The following FOXP1 variants were observed in gnomAD, a reference collection of about 807,000 sequenced individuals.
The protein encoded by FOXP1 is forkhead box P1.
FOXP1 carries 15 observed loss-of-function variants against 98.2 expected under a neutral mutation model. That is an observed-to-expected ratio of 0.15 (90% CI 0.10 to 0.24). FOXP1 has a LOEUF of 0.24. FOXP1 is among the 10% of genes least tolerant of loss of function. The pLI is 1.00. For synonymous variants in FOXP1, 371 were observed against 314.5 expected, an observed-to-expected ratio of 1.18 and a Z score of -1.90; for missense variants, 633 against 848.5, an observed-to-expected ratio of 0.75 and a Z score of 3.15.
At chr3:71,391,325 A>T (rs2108124027) in intron 3 of FOXP1, among the ~76,000 whole-genome samples, 1 of 152,326 alleles carries the variant, frequency 6.6e-6, no homozygotes, top group East Asian at 1.9e-4. Flanking sequence ...ACATAGGTTG[A>T]AAAATCTGCC....
chr3:71,554,254 T>C (rs1458243815), intron 2 of FOXP1, among the ~76,000 whole-genome samples: 2 of 152,168 alleles, frequency 1.3e-5, no homozygotes, highest in Non-Finnish European at 2.9e-5. Flanking sequence ...CTCGGAAATC[T>C]GAGGCAAGAG....
At chr3:71,195,596 T>C (rs1179367805) in intron 6 of FOXP1, among the ~76,000 whole-genome samples, 1 of 152,232 alleles carries the variant, frequency 6.6e-6, no homozygotes, top group East Asian at 1.9e-4. Flanking sequence ...GTAACCCCTG[T>C]TGTCTTTGTA....
intron 4 of FOXP1, chr3:71,333,912 T>G (rs1413371747): frequency 6.7e-6 from 1 of 149,124 alleles, no homozygotes; most frequent in African/African-American, 2.5e-5. Flanking sequence ...AAGAATAAAC[T>G]TGAAAAAAAG....
intron 7 of FOXP1, among the ~76,000 whole-genome samples, chr3:71,091,658 G>A (rs1267187411): frequency 6.6e-6 from 1 of 152,162 alleles, no homozygotes; most frequent in Non-Finnish European, 1.5e-5. Flanking sequence ...TCAAGCTCAA[G>A]ATTAAGGGTA....
chr3:71,532,874 T>C (rs1188450902), intron 2 of FOXP1, among the ~76,000 whole-genome samples: 1 of 152,152 alleles, frequency 6.6e-6, no homozygotes, highest in African/African-American at 2.4e-5. Context: ...TAAGCATACA[T>C]TTTCAGGAGG....
At chr3:71,306,650 A>C (rs973928362) in intron 4 of FOXP1, among the ~76,000 whole-genome samples, 3 of 150,962 alleles carry the variant, frequency 2.0e-5, no homozygotes, top group African/African-American at 4.9e-5. Context: ...AAAAAAAAAA[A>C]AAAAAACGCT....
In FOXP1 at chr3:70,954,848, A is replaced by C; in HGVS notation, c.*4399T>G. 1 of 232,696 alleles carries C rather than the reference A, an allele frequency of 4.3e-6. No individual in the cohort carries two copies. Among genetic ancestry groups the C allele is most frequent in the Non-Finnish European group, 8.5e-6 (1 of 117,738 alleles). 14.4% of individuals were successfully genotyped at this position (232,696 alleles called of 1,614,324 possible). On this transcript the variant is annotated 3_prime_UTR_variant, in exon 21 of 21. Transcript: ENST00000649528. ...AATGATGGAATTACAGTTGATGTCAAGGAATGAGTTTCTTTTATGCCTTAT... is the reference window on the plus strand; with the variant it reads ...AATGATGGAATTACAGTTGATGTCACGGAATGAGTTTCTTTTATGCCTTAT...
rs376588447 is a variant in FOXP1, at chr3:71,517,657, GAA to G, written c.-297-24104_-297-24103del. ...TTCAGTATAATATTCATACCAGAGAGAAGAGAAAACACTCTCTTTTATTGAAT... is the reference window on the plus strand; with the variant it reads ...TTCAGTATAATATTCATACCAGAGAGGAGAAAACACTCTCTTTTATTGAAT... On this transcript the variant is annotated intron_variant, in intron 2 of 20. Coordinates refer to ENST00000649528, the MANE Select transcript of FOXP1 (RefSeq NM_001349338.3). Among the ~76,000 whole-genome samples the G allele has an allele frequency of 3.9e-4, 60 of 152,276 alleles. No individual in the cohort carries two copies. The South Asian group carries it at 0.01, about 26-fold the overall frequency.
intron 6 of FOXP1, among the ~76,000 whole-genome samples, chr3:71,187,862 G>A (rs1033562413): frequency 6.6e-6 from 1 of 152,026 alleles, no homozygotes; most frequent in African/African-American, 2.4e-5. Context: ...TACACATTAG[G>A]ACTAAAAATA....
Position 71,239,649 on chromosome 3 carries a change from C to G in FOXP1, c.-11-41257G>C, listed in dbSNP as rs140512682. ...TATAGCCATAGTACAAGTATTTCTA[C>G]AAGGTTTTTTACACACACTTTGAAG... is the stretch of plus-strand genomic sequence containing the variant. On this transcript the variant is annotated intron_variant, in intron 5 of 20. Coordinates refer to ENST00000649528, the MANE Select transcript of FOXP1 (RefSeq NM_001349338.3). 1.0e-3 allele frequency among the ~76,000 whole-genome samples: 159 copies of G among 152,266 alleles called. No homozygotes were observed. The Middle Eastern group carries it at 0.014, about 13-fold the overall frequency.
chr3:71,452,693 C>T (rs968537533), intron 3 of FOXP1, among the ~76,000 whole-genome samples: 1 of 152,126 alleles, frequency 6.6e-6, no homozygotes, highest in African/African-American at 2.4e-5. Context: ...GGAGTGCCTG[C>T]CTCCCTCCCA....
At chr3:71,099,219 A>G (rs2056746318) in intron 7 of FOXP1, among the ~76,000 whole-genome samples, 1 of 152,214 alleles carries the variant, frequency 6.6e-6, no homozygotes, top group Non-Finnish European at 1.5e-5. Context: ...CCCTTTAAAA[A>G]CAGCTTTTAG....
intron 4 of FOXP1, among the ~76,000 whole-genome samples, chr3:71,338,586 C>G (rs1156432020): frequency 6.6e-6 from 1 of 152,148 alleles, no homozygotes; most frequent in African/African-American, 2.4e-5. Context: ...CGCCACCATG[C>G]CCAGCTAATT....
At chr3:70,973,060 T>C (rs1169348773) in intron 17 of FOXP1, among the ~76,000 whole-genome samples, 1 of 152,190 alleles carries the variant, frequency 6.6e-6, no homozygotes, top group Non-Finnish European at 1.5e-5. Context: ...AAGGGGGTAT[T>C]TTTTTCAAAC....
chr3:71,294,516 G>C (rs1330332204), intron 5 of FOXP1, among the ~76,000 whole-genome samples: 1 of 152,076 alleles, frequency 6.6e-6, no homozygotes, highest in African/African-American at 2.4e-5. Context: ...TGAGGACAGA[G>C]ACCATGTCCT....
intron 6 of FOXP1, among the ~76,000 whole-genome samples, chr3:71,162,025 A>G (rs1030803145): frequency 6.6e-6 from 1 of 152,202 alleles, no homozygotes; most frequent in African/African-American, 2.4e-5. Flanking sequence ...TTCTGGACCA[A>G]TTGAGGAAAA....
intron 7 of FOXP1, among the ~76,000 whole-genome samples, chr3:71,068,635 A>G (rs182291172): frequency 2.6e-5 from 4 of 152,364 alleles, no homozygotes; most frequent in East Asian, 3.9e-4. Flanking sequence ...TCTGAACAAC[A>G]CTTGTGTTAA....
chr3:71,157,761 A>G (rs1051342565), intron 6 of FOXP1, among the ~76,000 whole-genome samples: 4 of 152,086 alleles, frequency 2.6e-5, no homozygotes, highest in Non-Finnish European at 5.9e-5. Flanking sequence ...AAGCTAGTCA[A>G]GGTGCCTGTC....
intron 7 of FOXP1, among the ~76,000 whole-genome samples, chr3:71,073,965 G>A (rs1447870120): frequency 6.6e-6 from 1 of 152,128 alleles, no homozygotes; most frequent in Non-Finnish European, 1.5e-5. Context: ...GAGAGGTGCA[G>A]GAAATCCTCT....
Sources: gnomAD v4.1 joint callset for allele counts (sites outside exome capture counted in the v4.1 genomes callset) on GRCh38, gnomAD v4.1.1 for gene constraint, MANE v1.5 for transcripts, NCBI Gene and HGNC (gene_info 2026-07-23, HGNC 2026-07-21) for gene names.